Variants in HOXC5 observed in about 807,000 individuals in gnomAD.
The protein encoded by HOXC5 is homeobox protein Hox-C5.
HOXC5 carries 19 observed loss-of-function variants against 20.1 expected under a neutral mutation model. The observed-to-expected ratio is 0.94, with a 90% CI of 0.66 to 1.38. The LOEUF (loss-of-function observed/expected upper bound fraction) is 1.38, where lower values mean the gene tolerates loss of function less well. Among genes scored for constraint, HOXC5 ranks in the 40% most tolerant of loss-of-function variants. The pLI, the probability that HOXC5 is intolerant of heterozygous loss-of-function variation, is 0.00. For missense variants in HOXC5, 330 were observed against 300.1 expected (o/e 1.10, Z -0.74); for synonymous variants, 124 against 117.0 (o/e 1.06, Z -0.39).
chr12:54,025,626 C>A, the HOXC5 span, among the ~76,000 whole-genome samples: 2 of 151,874 alleles, frequency 1.3e-5, no homozygotes, highest in African/African-American at 2.4e-5. Flanking sequence ...CCCCTTCCAG[C>A]ATTTCTGCCT....
At chr12:54,030,949 G>GCCCAGGCGCCCGGCC (rs2136441915), upstream of HOXC5, 1 of 152,438 alleles carries the variant, frequency 6.6e-6, no homozygotes, top group African/African-American at 2.4e-5. Flanking sequence ...CTTCCCCGGA[G>GCCCAGGCGCCCGGCC]CCCAGGCGCC....
intron 1 of HOXC5, chr12:54,033,893 T>C: frequency 2.8e-6 from 1 of 352,590 alleles, no homozygotes; most frequent in Admixed American, 4.3e-5. Context: ...GCTCCCTCCC[T>C]CCCTCCCCTG....
chr12:54,023,185 C>A, the HOXC5 span, among the ~76,000 whole-genome samples: 1 of 152,160 alleles, frequency 6.6e-6, no homozygotes, highest in Non-Finnish European at 1.5e-5. Context: ...GGCTTGGGCA[C>A]CAGCCCCCAA....
chr12:54,028,267 A>ATT (rs926541390), upstream of HOXC5: 731 of 75,584 alleles, frequency 9.7e-3, 1 homozygote, highest in Middle Eastern at 0.018. Context: ...ATATATATAT[A>ATT]TTTTTTAAAA....
upstream of HOXC5, chr12:54,030,138 C>G (rs1940927411): frequency 1.7e-6 from 1 of 604,858 alleles, no homozygotes; most frequent in African/African-American, 1.8e-5. Flanking sequence ...TCCCTCACCG[C>G]ACAACTCTCT....
upstream of HOXC5, among the ~76,000 whole-genome samples, chr12:54,029,103 GC>G (rs1460794656): frequency 1.3e-5 from 2 of 152,142 alleles, no homozygotes; most frequent in Non-Finnish European, 2.9e-5. Context: ...GCTTGCAGGG[GC>G]CTGGCCCCCT....
rs751557222 is a variant in HOXC5 at position 54,033,383 on chromosome 12, C to A, written c.261C>A (p.Gly87=). ...CGGCCGCTCCGGGACACGCTCCGGG[C>A]AGAGACGAAGCGGCTCCTCTGAACC... ...SAAAAPGHAP[G]RDEAAPLNPG... Residue 87 remains glycine (G), a synonymous_variant, in exon 1 of 2, where the codon GGC becomes GGA. Transcript: ENST00000312492. 1.2e-6 allele frequency: 2 copies of A among 1,613,022 alleles called. No individual in the cohort carries two copies. The highest frequency in any genetic ancestry group is 4.5e-5 in the East Asian group (2 of 44,860).
upstream of HOXC5, among the ~76,000 whole-genome samples, chr12:54,031,867 C>T (rs925077368): frequency 1.3e-5 from 2 of 152,202 alleles, no homozygotes; most frequent in East Asian, 3.8e-4. Context: ...CCTGCCCACC[C>T]CCCAGGTCCG....
At chr12:54,023,887 A>C in the HOXC5 span, among the ~76,000 whole-genome samples, 1 of 152,218 alleles carries the variant, frequency 6.6e-6, no homozygotes, top group East Asian at 1.9e-4. Flanking sequence ...CCCAAACAGC[A>C]TTCCCTGCAT....
chr12:54,029,499 G>A (rs1472171599), upstream of HOXC5: 4 of 459,772 alleles, frequency 8.7e-6, no homozygotes, highest in East Asian at 2.1e-4. Flanking sequence ...TGTACCCCCA[G>A]TGGGGGTGGG....
At chr12:54,017,626 G>C in the HOXC5 span, among the ~76,000 whole-genome samples, 1 of 151,938 alleles carries the variant, frequency 6.6e-6, no homozygotes, top group Non-Finnish European at 1.5e-5. Context: ...GTGTTGTCCT[G>C]ATGTCACTGT....
At position 54,033,185 on chromosome 12, in the gene HOXC5, G is replaced by A; in HGVS notation, c.63G>A (p.Met21Ile). The A allele has an allele frequency of 1.9e-6, 3 of 1,614,180 alleles. No homozygotes were observed. Among genetic ancestry groups the A allele is most frequent in the Non-Finnish European group, 2.5e-6 (3 of 1,180,052 alleles). ...GCCCCAATATCCCTGCCTATAACAT[G>A]CAAACTTGTGGGAACTATGGATCGG... ...KQSPNIPAYN[M>I]QTCGNYGSAS... is the part of the protein sequence containing the mutation. The change falls in exon 1 of 2, where the codon ATG becomes ATA. Residue 21 changes from methionine to isoleucine, a missense_variant. Transcript: ENST00000312492.
Position 54,034,764 on chromosome 12 carries a change from G to A in HOXC5, c.*272G>A. The A allele has an allele frequency of 2.2e-6, 1 of 460,418 alleles. No homozygotes were observed. The highest frequency in any genetic ancestry group is 4.0e-6 in the Non-Finnish European group (1 of 249,030). The allele number at this position is 460,418 out of a possible 1,614,324, so 28.5% of individuals were successfully genotyped here. On this transcript the variant is annotated 3_prime_UTR_variant, in exon 2 of 2. Transcript: ENST00000312492. ...CAAGCTCCGCAGGACTTCCCCGGAG[G>A]GCTGCGGCGTACAGGCTGGCGCAGA...
the HOXC5 span, among the ~76,000 whole-genome samples, chr12:54,019,353 T>A: frequency 6.6e-6 from 1 of 152,092 alleles, no homozygotes; most frequent in Non-Finnish European, 1.5e-5. Context: ...CAGTGGCTGA[T>A]GCCCCGCGGA....
At chr12:54,026,265 G>A in the HOXC5 span, among the ~76,000 whole-genome samples, 1 of 152,128 alleles carries the variant, frequency 6.6e-6, no homozygotes, top group Non-Finnish European at 1.5e-5. Flanking sequence ...TCAGTCCCCA[G>A]AGTACTCCTG....
the HOXC5 span, among the ~76,000 whole-genome samples, chr12:54,024,250 G>A: frequency 1.3e-5 from 2 of 152,120 alleles, no homozygotes; most frequent in African/African-American, 2.4e-5. Context: ...GGTGGTGGGG[G>A]CAGGGTCGGG....
Position 54,033,445 on chromosome 12 carries a change from T to TGGA in HOXC5, c.328_330dup (p.Glu110dup). On this transcript the variant is annotated inframe_insertion, in exon 1 of 2. Coordinates refer to ENST00000312492, the MANE Select transcript of HOXC5 (RefSeq NM_018953.4). ...AGTCAGAAGGCGGCTCGCCCGGCGCTGGAGGAGCGAGCTAAGAGCAGTGGG... is the reference window on the plus strand; with the variant it reads ...AGTCAGAAGGCGGCTCGCCCGGCGCTGGAGGAGGAGCGAGCTAAGAGCAGTGGG... The TGGA allele has an allele frequency of 6.2e-7, 1 of 1,600,504 alleles. No homozygotes were observed. The highest frequency in any genetic ancestry group is 8.5e-7 in the Non-Finnish European group (1 of 1,174,742).
chr12:54,028,306 C>A, upstream of HOXC5: 1 of 467,602 alleles, frequency 2.1e-6, no homozygotes, highest in South Asian at 4.3e-5. Flanking sequence ...TCAAAGCACA[C>A]ACTTAGTCTC....
At chr12:54,029,172 G>T (rs560916042), upstream of HOXC5, among the ~76,000 whole-genome samples, 30 of 152,316 alleles carry the variant, frequency 2.0e-4, no homozygotes, top group Non-Finnish European at 3.5e-4. Flanking sequence ...AACAGGGCAG[G>T]GGATGAGGGG....
Sources: gnomAD v4.1 joint callset for allele counts (sites outside exome capture counted in the v4.1 genomes callset) on GRCh38, gnomAD v4.1.1 for gene constraint, MANE v1.5 for transcripts, NCBI Gene and HGNC (gene_info 2026-07-23, HGNC 2026-07-21) for gene names.